The following ANKRD17 variants were observed in gnomAD, a reference collection of about 807,000 sequenced individuals.
ANKRD17 encodes ankyrin repeat domain 17.
A neutral mutation model predicts 229.7 loss-of-function variants in ANKRD17; 19 were observed. The ratio of observed to expected loss-of-function variants is 0.08; its 90% CI spans 0.06 to 0.12. ANKRD17 has a LOEUF of 0.12. Ranked by LOEUF, ANKRD17 falls within the 10% of genes least tolerant of loss-of-function variation. The pLI is 1.00. For missense variants in ANKRD17, 2,176 were observed against 3,176.8 expected, an observed-to-expected ratio of 0.68 and a Z score of 7.57; for synonymous variants, 1,112 against 1,146.1, an observed-to-expected ratio of 0.97 and a Z score of 0.60.
chr4:73,096,443 G>A (rs1723310594), intron 27 of ANKRD17, among the ~76,000 whole-genome samples: 1 of 152,100 alleles, frequency 6.6e-6, no homozygotes. Flanking sequence ...TCTAAAATAC[G>A]GAGGAAATAA....
chr4:73,221,714 GT>G (rs1327553093), intron 1 of ANKRD17, among the ~76,000 whole-genome samples: 18 of 151,892 alleles, frequency 1.2e-4, no homozygotes, highest in Non-Finnish European at 2.5e-4. Flanking sequence ...TAGAAACAAA[GT>G]AAAAAATAAA....
intron 3 of ANKRD17, among the ~76,000 whole-genome samples, chr4:73,157,794 A>T (rs1731856157): frequency 6.6e-6 from 1 of 152,138 alleles, no homozygotes; most frequent in Non-Finnish European, 1.5e-5. Context: ...TTTAAAAGAA[A>T]AGTAGAACAC....
intron 24 of ANKRD17, among the ~76,000 whole-genome samples, chr4:73,105,690 G>C (rs144592260): frequency 2.0e-5 from 3 of 152,198 alleles, no homozygotes; most frequent in South Asian, 2.1e-4. Flanking sequence ...TAGTTTATTG[G>C]AGAAGGAGGT....
At chr4:73,135,858 A>AT (rs1728832893) in intron 15 of ANKRD17, among the ~76,000 whole-genome samples, 1 of 152,214 alleles carries the variant, frequency 6.6e-6, no homozygotes, top group African/African-American at 2.4e-5. Context: ...CTCACACAGA[A>AT]GTGTAGTTGC....
Position 73,091,617 on chromosome 4 carries a change from T to C in ANKRD17, c.6011A>G (p.Lys2004Arg), listed in dbSNP as rs1722806128. The change falls in exon 29 of 34, where the codon AAG (lysine) becomes AGG (arginine). Residue 2004 changes from lysine (K) to arginine (R), a missense_variant. This residue lies in a region of ANKRD17 where 424 missense variants were observed against 454.0 expected (regional missense o/e 0.93). Transcript: ENST00000358602. ...VRRQLFVTVV[K>R]TSNATTTTVT... ...TGTTGTTGTGGTGGCATTGGATGTC[T>C]TCACAACTGTGACAAAAAGCTGCCT... The C allele has an allele frequency of 5.6e-6, 9 of 1,614,204 alleles. No homozygotes were observed. Among genetic ancestry groups the C allele is most frequent in the Non-Finnish European group, 7.6e-6 (9 of 1,180,024 alleles).
At chr4:73,220,374 T>C (rs1033335584) in intron 1 of ANKRD17, among the ~76,000 whole-genome samples, 15 of 152,114 alleles carry the variant, frequency 9.9e-5, no homozygotes, top group African/African-American at 2.9e-4. Flanking sequence ...CCTGGATTAT[T>C]TGAATAAATG....
intron 1 of ANKRD17, among the ~76,000 whole-genome samples, chr4:73,234,172 T>A (rs558990471): frequency 6.6e-6 from 1 of 152,272 alleles, no homozygotes; most frequent in African/African-American, 2.4e-5. Flanking sequence ...CTCTTTTGAT[T>A]TACATATGCA....
chr4:73,197,602 G>C (rs1399008922), intron 1 of ANKRD17, among the ~76,000 whole-genome samples: 1 of 152,146 alleles, frequency 6.6e-6, no homozygotes, highest in Non-Finnish European at 1.5e-5. Flanking sequence ...AGCTGAGGTG[G>C]AAGGATAAAC....
At chr4:73,165,533 G>A (rs1167236257) in intron 2 of ANKRD17, among the ~76,000 whole-genome samples, 2 of 152,174 alleles carry the variant, frequency 1.3e-5, no homozygotes, top group Non-Finnish European at 2.9e-5. Flanking sequence ...ACTGGCAGGT[G>A]TGTGTCTAAT....
chr4:73,125,476 T>C (rs922524131), intron 16 of ANKRD17, among the ~76,000 whole-genome samples, 164 bp from the exon 17 acceptor site: 10 of 152,278 alleles, frequency 6.6e-5, no homozygotes, highest in African/African-American at 2.2e-4. Flanking sequence ...GGCTCACGCC[T>C]GTAATCCCAG....
At chr4:73,173,029 A>T (rs1734248092) in intron 2 of ANKRD17, among the ~76,000 whole-genome samples, 1 of 152,214 alleles carries the variant, frequency 6.6e-6, no homozygotes, top group African/African-American at 2.4e-5. Context: ...CTGAATGGAT[A>T]AAAAACAAGA....
At chr4:73,085,192 G>T in intron 30 of ANKRD17, 57 bp downstream of exon 30, 1 of 1,534,622 alleles carries the variant, frequency 6.5e-7, no homozygotes, top group Non-Finnish European at 9.0e-7. Flanking sequence ...TTTGAAACCT[G>T]CTGTTTTTAA....
In ANKRD17 at chr4:73,121,039, T is replaced by A. The variant is rs546002677; in HGVS notation, c.3691A>T (p.Thr1231Ser). ...PLMLAAMNGHTAAVKLLLDMG... is the reference protein window; with the variant it reads ...PLMLAAMNGHSAAVKLLLDMG... ...TCTAACAGGAGCTTAACAGCAGCTGTATGCCCATTCATAGCTGCTAACATC... is the reference window on the plus strand; with the variant it reads ...TCTAACAGGAGCTTAACAGCAGCTGAATGCCCATTCATAGCTGCTAACATC... The change falls in exon 20 of 34, where the codon ACA becomes TCA. Residue 1231 changes from threonine (T) to serine (S), a missense_variant. By Grantham distance (58) the Thr-to-Ser change is moderately conservative. Coordinates refer to ENST00000358602, the MANE Select transcript of ANKRD17 (RefSeq NM_032217.5). 6.2e-7 allele frequency: 1 copy of A among 1,613,926 alleles called. No individual in the cohort carries two copies. The highest frequency in any genetic ancestry group is 1.1e-5 in the South Asian group (1 of 91,080).
intron 1 of ANKRD17, among the ~76,000 whole-genome samples, chr4:73,242,038 TTAG>T (rs938767743): frequency 7.9e-5 from 12 of 152,156 alleles, no homozygotes; most frequent in African/African-American, 2.9e-4. Flanking sequence ...TGCATTATAC[TTAG>T]TAGTAAAACA....
chr4:73,215,871 A>G (rs1392766348), intron 1 of ANKRD17, among the ~76,000 whole-genome samples: 2 of 152,262 alleles, frequency 1.3e-5, no homozygotes, highest in African/African-American at 4.8e-5. Context: ...TTCTTTAGAG[A>G]CTTCGACCAA....
intron 1 of ANKRD17, among the ~76,000 whole-genome samples, chr4:73,200,583 AAATT>A (rs1370788290): frequency 3.3e-5 from 5 of 152,162 alleles, no homozygotes; most frequent in African/African-American, 1.2e-4. Context: ...TAAAAGATTA[AAATT>A]AATAACTCCA....
At chr4:73,258,148 G>T in intron 1 of ANKRD17, 128 bp downstream of exon 1, 6 of 1,482,592 alleles carry the variant, frequency 4.0e-6, no homozygotes, top group Non-Finnish European at 5.4e-6. Flanking sequence ...AAGAAAGGGG[G>T]CAGTCGAAAG....
intron 1 of ANKRD17, among the ~76,000 whole-genome samples, chr4:73,236,162 A>G (rs2149251140): frequency 6.6e-6 from 1 of 152,228 alleles, no homozygotes; most frequent in Non-Finnish European, 1.5e-5. Context: ...AACAAAATCC[A>G]GTACTCCTTT....
intron 1 of ANKRD17, among the ~76,000 whole-genome samples, chr4:73,251,893 G>A (rs1282246505): frequency 1.3e-5 from 2 of 152,138 alleles, no homozygotes; most frequent in African/African-American, 4.8e-5. Flanking sequence ...GTCAAAATAT[G>A]CTACTTTGAT....
Sources: allele counts gnomAD v4.1 joint callset (sites outside exome capture counted in the v4.1 genomes callset), GRCh38; gene constraint gnomAD v4.1.1; regional missense constraint gnomAD v4.1.1; transcripts MANE v1.5; gene names NCBI Gene and HGNC (gene_info 2026-07-23, HGNC 2026-07-21).